PTPN11: variants seen among roughly 807,000 people sequenced by gnomAD.
The protein encoded by PTPN11 is tyrosine-protein phosphatase non-receptor type 11.
PTPN11 carries 6 observed loss-of-function variants against 78.8 expected under a neutral mutation model. That is an observed-to-expected ratio of 0.08 (90% confidence interval 0.04 to 0.15). The LOEUF (loss-of-function observed/expected upper bound fraction) is 0.15. PTPN11 is among the 10% of genes least tolerant of loss of function. PTPN11 has a pLI of 1.00. For synonymous variants in PTPN11, 221 were observed against 263.5 expected, an observed-to-expected ratio of 0.84 and a Z score of 1.56; for missense variants, 386 against 744.8, an observed-to-expected ratio of 0.52 and a Z score of 5.61.
At chr12:112,476,864 T>A (rs1689907839) in intron 7 of PTPN11, among the ~76,000 whole-genome samples, 1 of 152,188 alleles carries the variant, frequency 6.6e-6, no homozygotes, top group African/African-American at 2.4e-5. Context: ...AGAACCCACA[T>A]GTACCCATCA....
Position 112,502,126 on chromosome 12 carries a change from C to T in PTPN11, c.1600-18C>T. On this transcript the variant is annotated intron_variant, in intron 13 of 15. Coordinates refer to ENST00000351677, the MANE Select transcript of PTPN11 (RefSeq NM_002834.5). ...AAATAACCATTGTCCCTCACATGTG[C>T]ACTCTTCCAAATTTCAGAAAAGCAA... 6.4e-7 allele frequency: 1 copy of T among 1,565,160 alleles called. No individual in the cohort carries two copies. Among genetic ancestry groups the T allele is most frequent in the Non-Finnish European group, 8.8e-7 (1 of 1,135,776 alleles).
intron 13 of PTPN11, among the ~76,000 whole-genome samples, chr12:112,501,442 T>C (rs1228662206): frequency 2.6e-5 from 4 of 152,078 alleles, no homozygotes; most frequent in African/African-American, 9.7e-5. Flanking sequence ...GCTAATAACA[T>C]GGTTAAGCCC....
At chr12:112,467,277 GT>G (rs2038344813) in intron 6 of PTPN11, among the ~76,000 whole-genome samples, 1 of 152,140 alleles carries the variant, frequency 6.6e-6, no homozygotes, top group African/African-American at 2.4e-5. Context: ...GTGTTAGGCT[GT>G]TTTGCACTGC....
intron 1 of PTPN11, among the ~76,000 whole-genome samples, chr12:112,432,134 A>G (rs1384982405): frequency 6.6e-6 from 1 of 152,204 alleles, no homozygotes; most frequent in Non-Finnish European, 1.5e-5. Context: ...AATGCAAACT[A>G]ACATGGTACC....
At chr12:112,420,312 T>G (rs1208864067) in intron 1 of PTPN11, among the ~76,000 whole-genome samples, 1 of 152,166 alleles carries the variant, frequency 6.6e-6, no homozygotes, top group Non-Finnish European at 1.5e-5. Flanking sequence ...CGATTCAAGC[T>G]ATTGAGGCTA....
intron 3 of PTPN11, among the ~76,000 whole-genome samples, chr12:112,451,775 A>G (rs1566167796): frequency 6.6e-6 from 1 of 152,258 alleles, no homozygotes; most frequent in Admixed American, 6.5e-5. Flanking sequence ...TGTTTGAATT[A>G]ATTTATAATG....
chr12:112,421,633 T>C (rs2037523471), intron 1 of PTPN11, among the ~76,000 whole-genome samples: 1 of 151,784 alleles, frequency 6.6e-6, no homozygotes, highest in Non-Finnish European at 1.5e-5. Context: ...TTATTATTAT[T>C]GTTATTATTG....
At chr12:112,435,261 C>T (rs2037772076) in intron 1 of PTPN11, among the ~76,000 whole-genome samples, 1 of 152,128 alleles carries the variant, frequency 6.6e-6, no homozygotes, top group Non-Finnish European at 1.5e-5. Context: ...CTCAAGCAAT[C>T]CTCCCACCTC....
At chr12:112,491,633 C>G (rs1243307397) in intron 13 of PTPN11, among the ~76,000 whole-genome samples, 1 of 152,156 alleles carries the variant, frequency 6.6e-6, no homozygotes, top group Non-Finnish European at 1.5e-5. Context: ...AACCTACAGA[C>G]CATCTTCAAA....
At chr12:112,419,662 C>A (rs989346239) in intron 1 of PTPN11, among the ~76,000 whole-genome samples, 1 of 152,188 alleles carries the variant, frequency 6.6e-6, no homozygotes, top group Non-Finnish European at 1.5e-5. Flanking sequence ...TCCTCCTACC[C>A]CTCACGTGCC....
chr12:112,466,764 G>A (rs1011953910), intron 6 of PTPN11, among the ~76,000 whole-genome samples: 19 of 152,156 alleles, frequency 1.2e-4, no homozygotes, highest in African/African-American at 4.6e-4. Context: ...TGGTCTGGCC[G>A]TAATGGTGAG....
chr12:112,473,146 GC>G, intron 7 of PTPN11, 106 bp downstream of exon 7: 1 of 914,920 alleles, frequency 1.1e-6, no homozygotes, highest in Non-Finnish European at 1.8e-6. Flanking sequence ...CACATCGGAG[GC>G]CTTAGCTTCT....
At chr12:112,450,061 G>C (rs1474739417) in intron 2 of PTPN11, among the ~76,000 whole-genome samples, 1 of 151,230 alleles carries the variant, frequency 6.6e-6, no homozygotes, top group Non-Finnish European at 1.5e-5. Flanking sequence ...ACTCCAGCCT[G>C]GGCAATAAGA....
intron 2 of PTPN11, among the ~76,000 whole-genome samples, chr12:112,447,256 G>A (rs1248344156): frequency 6.6e-6 from 1 of 152,024 alleles, no homozygotes; most frequent in African/African-American, 2.4e-5. Flanking sequence ...GACTGAGGAA[G>A]TTGTGGTCCC....
chr12:112,475,717 G>T (rs751325963), intron 7 of PTPN11, among the ~76,000 whole-genome samples: 3 of 152,152 alleles, frequency 2.0e-5, no homozygotes, highest in Non-Finnish European at 4.4e-5. Flanking sequence ...GTCAAATCTT[G>T]TAAACCATTC....
At chr12:112,442,830 TTATATATATATATA>T (rs71086107) in intron 1 of PTPN11, among the ~76,000 whole-genome samples, 587 of 43,530 alleles carry the variant, frequency 0.013, 10 homozygotes, top group Middle Eastern at 0.039. Context: ...CTCTCTCTTT[TTATATATATATATA>T]TATATATATA....
chr12:112,494,986 A>G (rs893202675), intron 13 of PTPN11, among the ~76,000 whole-genome samples: 4 of 152,212 alleles, frequency 2.6e-5, no homozygotes, highest in Non-Finnish European at 5.9e-5. Context: ...GGTGTTTGGT[A>G]GGTTAGATAT....
intron 10 of PTPN11, among the ~76,000 whole-genome samples, chr12:112,483,778 T>G (rs919817084): frequency 2.6e-5 from 4 of 152,038 alleles, no homozygotes; most frequent in African/African-American, 9.7e-5. Context: ...GAGGCAGACA[T>G]GCAGGGATTC....
In PTPN11 at chr12:112,446,261, G is replaced by A. The variant is rs1362266761; in HGVS notation, c.15-15G>A. The A allele has an allele frequency of 1.2e-6, 2 of 1,613,760 alleles. No individual in the cohort carries two copies. Among genetic ancestry groups the A allele is most frequent in the Non-Finnish European group, 1.7e-6 (2 of 1,179,754 alleles). The stretch of plus-strand genomic sequence containing the variant: ...GTCTTGTTTTTTTATTACTTACTTT[G>A]TCTTTCTTTTTAAGATGGTTTCACC... On this transcript the variant is annotated splice_polypyrimidine_tract_variant and intron_variant, in intron 1 of 15. Transcript: ENST00000351677.
Sources: gnomAD v4.1 joint callset for allele counts (sites outside exome capture counted in the v4.1 genomes callset) on GRCh38, gnomAD v4.1.1 for gene constraint, MANE v1.5 for transcripts, NCBI Gene and HGNC (gene_info 2026-07-23, HGNC 2026-07-21) for gene names.